Variants in GALK2 observed in about 807,000 individuals in gnomAD.
GALK2 encodes N-acetylgalactosamine kinase.
In GALK2, 36 loss-of-function variants were observed where a neutral mutation model predicts 52.4. The observed-to-expected ratio is 0.69, with a 90% CI of 0.53 to 0.91. The LOEUF is 0.91. Among genes scored for constraint, GALK2 ranks in the 40% least tolerant of loss-of-function variants. The pLI, the probability that GALK2 is intolerant of heterozygous loss-of-function variation, is 0.00. For synonymous variants in GALK2, 176 were observed against 199.1 expected, an observed-to-expected ratio of 0.88 and a Z score of 0.98; for missense variants, 579 against 559.1, an observed-to-expected ratio of 1.04 and a Z score of -0.36.
At chr15:49,352,141 A>G (rs1161931526) in intron 3 of GALK2, among the ~76,000 whole-genome samples, 3 of 152,148 alleles carry the variant, frequency 2.0e-5, no homozygotes, top group African/African-American at 7.2e-5. Flanking sequence ...CAGACTCTCC[A>G]TATGGTCTGA....
In GALK2 at chr15:49,261,662, G is replaced by A. The variant is rs535193632; in HGVS notation, c.505-20325G>A. 4.6e-5 allele frequency among the ~76,000 whole-genome samples: 7 copies of A among 151,850 alleles called. No individual in the cohort carries two copies. The East Asian group carries it at 9.7e-4, about 21-fold the overall frequency. On this transcript the variant is annotated intron_variant, in intron 5 of 9. Coordinates refer to ENST00000560031, the MANE Select transcript of GALK2 (RefSeq NM_002044.4). The stretch of plus-strand genomic sequence containing the variant: ...TCTTGTGCCACTTTTCAAAGGGAAT[G>A]CTTCCAGTTTTTGCCCATTCAGTAT...
rs2034032473 is a variant in GALK2 at position 49,292,481 on chromosome 15, T to C, written c.911T>C (p.Leu304Pro). The C allele has an allele frequency of 1.2e-6, 2 of 1,613,920 alleles. No homozygotes were observed. Among genetic ancestry groups the C allele is most frequent in the Non-Finnish European group, 1.7e-6 (2 of 1,179,990 alleles). The change falls in exon 8 of 10, where the codon CTG becomes CCG. Residue 304 changes from leucine to proline, a missense_variant. Transcript: ENST00000560031. Reference sequence around the variant, plus strand: ...AACCCTGAGGAGATCTGCAGGTGTCTGGGAATTAGCCTGGAGGAACTCCGA... The same window carrying C: ...AACCCTGAGGAGATCTGCAGGTGTCCGGGAATTAGCCTGGAGGAACTCCGA... ...PYNPEEICRC[L>P]GISLEELRTQ...
upstream of GALK2, among the ~76,000 whole-genome samples, chr15:49,168,609 T>C (rs565498557): frequency 1.5e-4 from 23 of 151,932 alleles, no homozygotes; most frequent in African/African-American, 5.3e-4. Flanking sequence ...TCCCAGCTAC[T>C]TGGGAGGCTG....
intron 1 of GALK2, among the ~76,000 whole-genome samples, chr15:49,186,962 A>G (rs1025993115): frequency 6.6e-6 from 1 of 152,212 alleles, no homozygotes; most frequent in East Asian, 1.9e-4. Flanking sequence ...TGGTGATGTC[A>G]TATTTTCCTT....
chr15:49,202,751 A>G (rs974906962), intron 2 of GALK2, among the ~76,000 whole-genome samples: 33 of 152,212 alleles, frequency 2.2e-4, no homozygotes, highest in African/African-American at 7.7e-4. Context: ...TGGTGGTTCT[A>G]TTTTTAGTTT....
chr15:49,354,214 T>A (rs1441841014), intron 3 of GALK2, among the ~76,000 whole-genome samples: 1 of 152,176 alleles, frequency 6.6e-6, no homozygotes, highest in East Asian at 1.9e-4. Context: ...ACTATTTACA[T>A]GTTTAAAAAG....
intron 3 of GALK2, among the ~76,000 whole-genome samples, chr15:49,364,311 G>C (rs1036039546): frequency 6.6e-6 from 1 of 152,066 alleles, no homozygotes; most frequent in Non-Finnish European, 1.5e-5. Flanking sequence ...GGTCTGTTCA[G>C]GGATTCAGTT....
At chr15:49,246,074 A>G (rs2091336044) in intron 5 of GALK2, among the ~76,000 whole-genome samples, 1 of 152,202 alleles carries the variant, frequency 6.6e-6, no homozygotes, top group South Asian at 2.1e-4. Flanking sequence ...TTTGAGAGAT[A>G]TGAACATTCT....
chr15:49,319,874 C>A, intron 9 of GALK2, 69 bp downstream of exon 9: 2 of 1,330,252 alleles, frequency 1.5e-6, no homozygotes, highest in Non-Finnish European at 2.1e-6. Flanking sequence ...GAAAAAAATG[C>A]AACATTTCAT....
chr15:49,264,921 C>T (rs186597060), intron 5 of GALK2, among the ~76,000 whole-genome samples: 59 of 152,290 alleles, frequency 3.9e-4, no homozygotes, highest in African/African-American at 1.2e-3. Flanking sequence ...GCTGTCTGAT[C>T]GTTCCTCTGG....
At chr15:49,262,870 T>G (rs1441263780) in intron 5 of GALK2, among the ~76,000 whole-genome samples, 9 of 142,416 alleles carry the variant, frequency 6.3e-5, no homozygotes, top group South Asian at 2.3e-4. Flanking sequence ...TCCATGTAGT[T>G]GAGCAGTTTT....
intron 5 of GALK2, among the ~76,000 whole-genome samples, chr15:49,273,476 AATTCCTTTGC>A (rs1348046719): frequency 1.3e-5 from 2 of 152,158 alleles, no homozygotes; most frequent in African/African-American, 4.8e-5. Context: ...GAAAGTTGCT[AATTCCTTTGC>A]ATTACATCTC....
chr15:49,188,596 A>T lies in GALK2; in HGVS notation c.54-12566A>T, dbSNP rs370654237. On this transcript the variant is annotated intron_variant, in intron 1 of 9. Transcript: ENST00000560031. The stretch of plus-strand genomic sequence containing the variant: ...CATGATTTTAAAACCAGATGTTGTG[A>T]TTACTCACCTGATTTTGGGTTCTTA... Among the ~76,000 whole-genome samples, 4 of 152,284 alleles carry T rather than the reference A, an allele frequency of 2.6e-5. No homozygotes were observed. The East Asian group carries it at 7.7e-4, about 29-fold the overall frequency.
rs577735149 is a variant in GALK2, at chr15:49,211,030, G to A, written c.143-6160G>A. On this transcript the variant is annotated intron_variant, in intron 2 of 9. Transcript: ENST00000560031. The stretch of plus-strand genomic sequence containing the variant: ...ACGGCCTTTTCATTTCTACCACATG[G>A]CTGGGCTTCAATTTTTCAAACTTGT... Among the ~76,000 whole-genome samples the A allele has an allele frequency of 2.0e-5, 3 of 149,438 alleles. No individual in the cohort carries two copies. The South Asian group carries it at 6.3e-4, about 32-fold the overall frequency.
chr15:49,259,332 TC>T (rs1247254671), intron 5 of GALK2, among the ~76,000 whole-genome samples: 1 of 137,562 alleles, frequency 7.3e-6, no homozygotes, highest in Non-Finnish European at 1.6e-5. Context: ...AAGCTATCCA[TC>T]CCCCCTCCCC....
Position 49,329,105 on chromosome 15 carries a change from GC to G in GALK2, c.*947del. 1.0e-6 allele frequency: 1 copy of G among 992,938 alleles called. No individual in the cohort carries two copies. Among genetic ancestry groups the G allele is most frequent in the Non-Finnish European group, 1.2e-6 (1 of 834,548 alleles). 61.5% of individuals were successfully genotyped at this position (992,938 alleles called of 1,614,324 possible). On this transcript the variant is annotated 3_prime_UTR_variant, in exon 10 of 10. Coordinates refer to ENST00000560031, the MANE Select transcript of GALK2 (RefSeq NM_002044.4). Reference sequence around the variant, plus strand: ...CACACATTCCTTATATCCCTTTTTTGCTTGTCTAGCAAAGCTTGTTTGTATA... The same window carrying G: ...CACACATTCCTTATATCCCTTTTTTGTTGTCTAGCAAAGCTTGTTTGTATA...
intron 3 of GALK2, chr15:49,366,328 GA>G: frequency 2.5e-6 from 2 of 786,826 alleles, no homozygotes; most frequent in South Asian, 2.7e-5. Flanking sequence ...TAGGAAATAG[GA>G]TACTGTTATT....
chr15:49,233,118 A>G (rs1023939899), intron 3 of GALK2, among the ~76,000 whole-genome samples: 3 of 152,230 alleles, frequency 2.0e-5, no homozygotes, highest in Admixed American at 2.0e-4. Flanking sequence ...GTGATTTATA[A>G]GGAAAAGAGG....
At chr15:49,267,147 A>C (rs2092389611) in intron 5 of GALK2, among the ~76,000 whole-genome samples, 1 of 152,190 alleles carries the variant, frequency 6.6e-6, no homozygotes, top group Non-Finnish European at 1.5e-5. Context: ...AATGGGAGAG[A>C]GAAATTGGGC....
Sources: gnomAD v4.1 joint callset for allele counts (sites outside exome capture counted in the v4.1 genomes callset) on GRCh38, gnomAD v4.1.1 for gene constraint, MANE v1.5 for transcripts, NCBI Gene and HGNC (gene_info 2026-07-23, HGNC 2026-07-21) for gene names.